Variants in RERE observed in about 807,000 individuals in gnomAD.
RERE encodes the protein arginine-glutamic acid dipeptide repeats.
A neutral mutation model predicts 146.1 loss-of-function variants in RERE; 40 were observed. That is an observed-to-expected ratio of 0.27 (90% confidence interval 0.21 to 0.36). RERE has a LOEUF of 0.36. Ranked by LOEUF, RERE falls within the 10% of genes least tolerant of loss-of-function variation. The pLI is 1.00. For synonymous variants in RERE, 1,003 were observed against 866.0 expected (o/e 1.16, Z -2.78); for missense variants, 1,933 against 2,138.7 (o/e 0.90, Z 1.90).
At chr1:8,801,302 T>G (rs572977069) in intron 1 of RERE, among the ~76,000 whole-genome samples, 1 of 151,380 alleles carries the variant, frequency 6.6e-6, no homozygotes, top group African/African-American at 2.4e-5. Context: ...GGAGTTTTGC[T>G]CTTGTTGCCC....
chr1:8,741,388 T>C (rs953804050), intron 1 of RERE, among the ~76,000 whole-genome samples: 15 of 152,202 alleles, frequency 9.9e-5, no homozygotes, highest in African/African-American at 3.6e-4. Flanking sequence ...GGGGGTGACA[T>C]GGTTAGGCAT....
rs77309701 is a variant in RERE, at chr1:8,374,369, A to T, written c.1285-8395T>A. Among the ~76,000 whole-genome samples the T allele has an allele frequency of 8.0e-3, 1,212 of 151,308 alleles. 13 individuals are homozygous for T. Among genetic ancestry groups the T allele is most frequent in the African/African-American group, 0.026 (1,061 of 41,204 alleles). ...CATTTTAAAAAATCAGTTAAAAAAA[A>T]TTTTTTTTTTACCACTACATTTACC... On this transcript the variant is annotated intron_variant, in intron 12 of 22. Coordinates refer to ENST00000400908, the MANE Select transcript of RERE (RefSeq NM_001042681.2).
intron 1 of RERE, among the ~76,000 whole-genome samples, chr1:8,760,816 T>C (rs1465836736): frequency 6.6e-6 from 1 of 152,156 alleles, no homozygotes. Flanking sequence ...CTCTACACTC[T>C]AGGATTAGAA....
chr1:8,405,470 ACAGAT>A (rs1437175926), intron 12 of RERE, among the ~76,000 whole-genome samples: 6 of 152,402 alleles, frequency 3.9e-5, no homozygotes, highest in Admixed American at 2.0e-4. Context: ...AAAGATCAAT[ACAGAT>A]AAGTTTTAAA....
At chr1:8,811,254 G>A (rs12144387) in intron 1 of RERE, among the ~76,000 whole-genome samples, 7,142 of 152,194 alleles carry the variant, frequency 0.047, 230 homozygotes, top group Non-Finnish European at 0.071. Context: ...CACACACACT[G>A]AGTGCCTTCA....
chr1:8,701,346 T>C (rs371479255), intron 1 of RERE, among the ~76,000 whole-genome samples: 2 of 145,772 alleles, frequency 1.4e-5, no homozygotes, highest in African/African-American at 2.7e-5. Flanking sequence ...TCCCTCCCTC[T>C]CTCAGGCATT....
chr1:8,437,595 T>C (rs1354791724), intron 11 of RERE, among the ~76,000 whole-genome samples: 1 of 152,096 alleles, frequency 6.6e-6, no homozygotes, highest in Non-Finnish European at 1.5e-5. Context: ...CTGCTGGCTT[T>C]TGTTTGGAAC....
chr1:8,459,862 C>A (rs1292329670), intron 11 of RERE, among the ~76,000 whole-genome samples: 1 of 152,174 alleles, frequency 6.6e-6, no homozygotes, highest in Non-Finnish European at 1.5e-5. Flanking sequence ...ACTCTCCTAT[C>A]ATCATTTTTG....
intron 4 of RERE, among the ~76,000 whole-genome samples, chr1:8,574,557 C>G (rs530423723): frequency 1.3e-5 from 2 of 152,138 alleles, no homozygotes; most frequent in Admixed American, 1.3e-4. Flanking sequence ...TCATGTTAGC[C>G]AGGACGGTCT....
intron 2 of RERE, among the ~76,000 whole-genome samples, chr1:8,634,282 G>A (rs1647069408): frequency 6.6e-6 from 1 of 152,140 alleles, no homozygotes; most frequent in Non-Finnish European, 1.5e-5. Context: ...CCCACTCAAT[G>A]CCTATTACTA....
intron 11 of RERE, among the ~76,000 whole-genome samples, chr1:8,428,823 C>T (rs760364846): frequency 2.6e-5 from 4 of 152,132 alleles, no homozygotes; most frequent in Non-Finnish European, 1.5e-5. Flanking sequence ...AAAATAACCA[C>T]GTCAAAATGC....
At chr1:8,454,490 A>G (rs1274623180) in intron 11 of RERE, among the ~76,000 whole-genome samples, 1 of 151,738 alleles carries the variant, frequency 6.6e-6, no homozygotes, top group Non-Finnish European at 1.5e-5. Flanking sequence ...TCCTTTTCCT[A>G]TAATTTTTTA....
chr1:8,362,654 T>C lies in RERE; in HGVS notation c.1902+29A>G, dbSNP rs201026712. On this transcript the variant is annotated intron_variant, in intron 16 of 22. Coordinates refer to ENST00000400908, the MANE Select transcript of RERE (RefSeq NM_001042681.2). Reference sequence around the variant, plus strand: ...GTTTTAATGTGAGGGAGGGACAGAGTAGGCCCTACTATCCCCCCAGCACCT... The same window carrying C: ...GTTTTAATGTGAGGGAGGGACAGAGCAGGCCCTACTATCCCCCCAGCACCT... 15 of 1,613,184 alleles carry C rather than the reference T, an allele frequency of 9.3e-6. No homozygotes were observed. The African/African-American group carries it at 1.3e-4, about 14-fold the overall frequency.
intron 8 of RERE, among the ~76,000 whole-genome samples, chr1:8,501,198 G>C (rs1313460705): frequency 1.3e-5 from 2 of 149,950 alleles, no homozygotes; most frequent in African/African-American, 2.5e-5. Flanking sequence ...CCCCGTCCGG[G>C]AGGGAGGTGG....
At chr1:8,408,141 C>T (rs1643504417) in intron 12 of RERE, among the ~76,000 whole-genome samples, 1 of 151,954 alleles carries the variant, frequency 6.6e-6, no homozygotes, top group South Asian at 2.1e-4. Flanking sequence ...CAAAGTGACT[C>T]TACTAGGTTG....
intron 12 of RERE, among the ~76,000 whole-genome samples, chr1:8,382,413 G>T (rs747245832): frequency 2.0e-5 from 3 of 152,258 alleles, no homozygotes; most frequent in Non-Finnish European, 2.9e-5. Flanking sequence ...AACTCAATTC[G>T]CAGCTTAGGC....
chr1:8,610,167 T>C (rs554963298), intron 4 of RERE, among the ~76,000 whole-genome samples: 1 of 152,342 alleles, frequency 6.6e-6, no homozygotes, highest in Middle Eastern at 3.4e-3. Flanking sequence ...CTGATTAGCA[T>C]CCATAGTCAA....
intron 4 of RERE, among the ~76,000 whole-genome samples, chr1:8,610,915 C>A (rs1333071738): frequency 1.3e-5 from 2 of 151,264 alleles, no homozygotes; most frequent in Non-Finnish European, 2.9e-5. Flanking sequence ...AAACCATACA[C>A]CGGGCACGGT....
chr1:8,650,649 A>G (rs1229637567), intron 2 of RERE, among the ~76,000 whole-genome samples: 1 of 152,142 alleles, frequency 6.6e-6, no homozygotes, highest in Non-Finnish European at 1.5e-5. Context: ...CTGTAATCCC[A>G]GCACTTTAGG....
Sources: gnomAD v4.1 joint callset for allele counts (sites outside exome capture counted in the v4.1 genomes callset) on GRCh38, gnomAD v4.1.1 for gene constraint, MANE v1.5 for transcripts, NCBI Gene and HGNC (gene_info 2026-07-23, HGNC 2026-07-21) for gene names.